MYO9A: variants seen among roughly 807,000 people sequenced by gnomAD.
The protein encoded by MYO9A is myosin IXA.
In MYO9A, 103 loss-of-function variants were observed where a neutral mutation model predicts 293.3. The ratio of observed to expected loss-of-function variants is 0.35; its 90% CI spans 0.30 to 0.41. The LOEUF (loss-of-function observed/expected upper bound fraction) is 0.41, where lower values mean the gene tolerates loss of function less well. Among genes scored for constraint, MYO9A ranks in the 10% least tolerant of loss-of-function variants. MYO9A has a pLI of 1.00. For synonymous variants in MYO9A, 1,001 were observed against 1,035.7 expected, an observed-to-expected ratio of 0.97 and a Z score of 0.64; for missense variants, 2,685 against 3,033.0, an observed-to-expected ratio of 0.89 and a Z score of 2.69.
chr15:71,903,811 G>A, intron 21 of MYO9A, 118 bp downstream of exon 21: 1 of 857,246 alleles, frequency 1.2e-6, no homozygotes, highest in Non-Finnish European at 1.8e-6. Context: ...TACAAAACGT[G>A]AAATGGAAAG....
intron 1 of MYO9A, among the ~76,000 whole-genome samples, chr15:72,056,962 T>G (rs2078738581): frequency 6.6e-6 from 1 of 152,056 alleles, no homozygotes; most frequent in Admixed American, 6.5e-5. Context: ...GTACAAAAAT[T>G]AGCCAGGCAT....
chr15:71,845,456 T>C (rs1202004889), intron 39 of MYO9A, among the ~76,000 whole-genome samples: 1 of 152,198 alleles, frequency 6.6e-6, no homozygotes, highest in East Asian at 1.9e-4. Flanking sequence ...CCAGCAAAGA[T>C]GCTGGGGTGT....
At chr15:71,888,362 G>GA (rs146295766) in intron 26 of MYO9A, 7,821 of 238,174 alleles carry the variant, frequency 0.033, 389 homozygotes, top group East Asian at 0.21. Flanking sequence ...ATTTAAAAAA[G>GA]AATCTCAAGT....
At chr15:72,052,723 T>TTGA (rs1345642765) in intron 1 of MYO9A, among the ~76,000 whole-genome samples, 1 of 152,134 alleles carries the variant, frequency 6.6e-6, no homozygotes, top group Non-Finnish European at 1.5e-5. Flanking sequence ...ATCCACAGCC[T>TTGA]TGCAAGGAAG....
rs565316952 is a variant in MYO9A at position 71,969,404 on chromosome 15, CA to C, written c.1845-1280del. ...TATAACAGTCTCACCAATCTTCTTT[CA>C]AGTCACCAAAGCATATTATCAAAAT... is the stretch of plus-strand genomic sequence containing the variant. On this transcript the variant is annotated intron_variant, in intron 12 of 41. Transcript: ENST00000356056. Among the ~76,000 whole-genome samples, 67 of 152,328 alleles carry C rather than the reference CA, an allele frequency of 4.4e-4. No homozygotes were observed. In the South Asian group the frequency reaches 0.014, roughly 32 times the overall value.
At chr15:72,009,919 T>C (rs1351910162) in intron 7 of MYO9A, among the ~76,000 whole-genome samples, 2 of 152,144 alleles carry the variant, frequency 1.3e-5, no homozygotes, top group African/African-American at 4.8e-5. Flanking sequence ...AAAAACTTAA[T>C]AGTATAGTAC....
rs147639865 is a variant in MYO9A, at chr15:71,935,470, A to T, written c.2393T>A (p.Ile798Asn). ...AATCCCAGTTCTGCCATTCCAGGCA[A>T]TATCAAATGTATCACTGTAAAAAAT... ...NEKNQHDTFD[I>N]AWNGRTGIRQ... Residue 798 changes from isoleucine to asparagine, a missense_variant, in exon 17 of 42, where the codon ATT becomes AAT. Ile to Asn is a moderately radical substitution (Grantham distance 149). Coordinates refer to ENST00000356056, the MANE Select transcript of MYO9A (RefSeq NM_006901.4). 1 of 1,613,454 alleles carries T rather than the reference A, an allele frequency of 6.2e-7. No individual in the cohort carries two copies. The highest frequency in any genetic ancestry group is 8.5e-7 in the Non-Finnish European group (1 of 1,179,564).
chr15:71,984,887 C>T (rs1316173607), intron 11 of MYO9A, among the ~76,000 whole-genome samples: 2 of 151,998 alleles, frequency 1.3e-5, no homozygotes, highest in South Asian at 2.1e-4. Context: ...TGGCTGGATC[C>T]ACTGTGGTAT....
At chr15:71,982,839 G>A (rs2076309777) in intron 11 of MYO9A, among the ~76,000 whole-genome samples, 2 of 152,098 alleles carry the variant, frequency 1.3e-5, no homozygotes, top group East Asian at 1.9e-4. Flanking sequence ...CTGCTATCAG[G>A]TGCTTATAAA....
In MYO9A at chr15:71,959,898, T is replaced by A; in HGVS notation, c.2182+3A>T. On this transcript the variant is annotated splice_donor_region_variant and intron_variant, in intron 14 of 41. Transcript: ENST00000356056. ...TGGTAGAATACTAATAACTACTACT[T>A]ACCAGTTTTTCTGTGAATGTTTCTT... 1 of 1,609,730 alleles carries A rather than the reference T, an allele frequency of 6.2e-7. No individual in the cohort carries two copies. Among genetic ancestry groups the A allele is most frequent in the Non-Finnish European group, 8.5e-7 (1 of 1,177,192 alleles).
intron 4 of MYO9A, among the ~76,000 whole-genome samples, chr15:72,024,288 CATTG>C (rs1299973650): frequency 1.3e-5 from 2 of 152,104 alleles, no homozygotes; most frequent in Non-Finnish European, 2.9e-5. Flanking sequence ...TTAATTAACT[CATTG>C]ATTGATTGAT....
intron 34 of MYO9A, among the ~76,000 whole-genome samples, chr15:71,859,196 T>C (rs2056006184): frequency 6.6e-6 from 1 of 152,216 alleles, no homozygotes; most frequent in South Asian, 2.1e-4. Context: ...GATTAATGAA[T>C]AAGAAAATGT....
At chr15:71,892,733 T>G (rs2057214276) in intron 26 of MYO9A, 1 of 245,124 alleles carries the variant, frequency 4.1e-6, no homozygotes, top group Admixed American at 5.2e-5. Context: ...CATGGAAAAT[T>G]TCTACATTAG....
chr15:72,079,351 A>T (rs1343221654), intron 1 of MYO9A, among the ~76,000 whole-genome samples: 1 of 152,136 alleles, frequency 6.6e-6, no homozygotes, highest in Non-Finnish European at 1.5e-5. Flanking sequence ...AATTAAAATA[A>T]TTTTTAGTTG....
intron 27 of MYO9A, 98 bp downstream of exon 27, chr15:71,887,906 T>A: frequency 1.6e-6 from 1 of 609,018 alleles, no homozygotes; most frequent in Non-Finnish European, 2.7e-6. Flanking sequence ...AAAAGTGGCC[T>A]ATCAATTATG....
At chr15:71,948,663 C>T (rs761006769) in intron 15 of MYO9A, among the ~76,000 whole-genome samples, 4 of 152,164 alleles carry the variant, frequency 2.6e-5, no homozygotes, top group Non-Finnish European at 5.9e-5. Flanking sequence ...ACTATAGACC[C>T]AAGTTACGAT....
At chr15:71,872,394 A>C (rs1011528506) in intron 32 of MYO9A, among the ~76,000 whole-genome samples, 4 of 152,106 alleles carry the variant, frequency 2.6e-5, no homozygotes, top group African/African-American at 9.7e-5. Flanking sequence ...ATTTTCCTCT[A>C]CTAAACTCTA....
At chr15:71,919,087 A>G (rs543892299) in intron 18 of MYO9A, among the ~76,000 whole-genome samples, 2 of 152,298 alleles carry the variant, frequency 1.3e-5, no homozygotes, top group East Asian at 3.9e-4. Flanking sequence ...ACTGCACATA[A>G]TATCATCTAA....
At chr15:71,997,765 A>G (rs1379525457) in intron 9 of MYO9A, among the ~76,000 whole-genome samples, 1 of 152,196 alleles carries the variant, frequency 6.6e-6, no homozygotes, top group Non-Finnish European at 1.5e-5. Context: ...CAAAACCACA[A>G]TGAGATACCA....
Sources: gnomAD v4.1 joint callset for allele counts (sites outside exome capture counted in the v4.1 genomes callset) on GRCh38, gnomAD v4.1.1 for gene constraint, MANE v1.5 for transcripts, NCBI Gene and HGNC (gene_info 2026-07-23, HGNC 2026-07-21) for gene names.